Variants in RIN2 observed in about 807,000 individuals in gnomAD.
RIN2 encodes Ras and Rab interactor 2.
Under a neutral mutation model 78.0 loss-of-function variants are expected in RIN2, and 36 were observed. The ratio of observed to expected loss-of-function variants is 0.46; its 90% CI spans 0.35 to 0.61. RIN2 has a LOEUF of 0.61. Among genes scored for constraint, RIN2 ranks in the 20% least tolerant of loss-of-function variants. The pLI, the probability that RIN2 is intolerant of heterozygous loss-of-function variation, is 0.00. For synonymous variants in RIN2, 466 were observed against 466.8 expected (o/e 1.00, Z 0.02); for missense variants, 1,087 against 1,159.7 (o/e 0.94, Z 0.91).
chr20:19,963,216 C>T (rs971546251), intron 6 of RIN2, among the ~76,000 whole-genome samples: 5 of 152,066 alleles, frequency 3.3e-5, no homozygotes, highest in Non-Finnish European at 5.9e-5. Flanking sequence ...TTGTGGCACA[C>T]GTGTGTTTGT....
intron 3 of RIN2, among the ~76,000 whole-genome samples, chr20:19,920,295 CAAA>C (rs34086663): frequency 8.4e-5 from 8 of 95,332 alleles, no homozygotes; most frequent in African/African-American, 3.4e-5. Flanking sequence ...GACTCTGTCT[CAAA>C]AAAAAAAAAA....
At chr20:19,936,440 G>A (rs2040648315) in intron 4 of RIN2, among the ~76,000 whole-genome samples, 1 of 152,158 alleles carries the variant, frequency 6.6e-6, no homozygotes, top group African/African-American at 2.4e-5. Flanking sequence ...GCCTTGTTGA[G>A]CTAAAATTTA....
At chr20:19,945,047 T>C (rs1426152569) in intron 4 of RIN2, among the ~76,000 whole-genome samples, 2 of 152,160 alleles carry the variant, frequency 1.3e-5, no homozygotes, top group Non-Finnish European at 2.9e-5. Context: ...GAATCAGAAG[T>C]TCTTTTCAGG....
At chr20:19,860,034 G>A (rs1238036835) in intron 2 of RIN2, among the ~76,000 whole-genome samples, 1 of 152,202 alleles carries the variant, frequency 6.6e-6, no homozygotes, top group Non-Finnish European at 1.5e-5. Context: ...GCTGTAGAGA[G>A]CACAAGCTTC....
chr20:19,834,776 G>T (rs1488521866), intron 2 of RIN2, among the ~76,000 whole-genome samples: 1 of 152,112 alleles, frequency 6.6e-6, no homozygotes, highest in African/African-American at 2.4e-5. Flanking sequence ...AATAAATAAT[G>T]TTCATCATTC....
intron 2 of RIN2, among the ~76,000 whole-genome samples, chr20:19,811,293 C>T (rs7266625): frequency 0.11 from 17,192 of 151,964 alleles, 2,231 homozygotes; most frequent in African/African-American, 0.31. Context: ...AGGAGCTCTG[C>T]GAGGTGCTGG....
intron 4 of RIN2, among the ~76,000 whole-genome samples, chr20:19,951,131 C>T (rs1328247859): frequency 2.6e-5 from 4 of 151,968 alleles, no homozygotes; most frequent in East Asian, 3.9e-4. Flanking sequence ...TGAGGTCAAG[C>T]GATCCATACA....
rs531160242 is a variant in RIN2, at chr20:19,826,330, T to C, written c.-37+26583T>C. Among the ~76,000 whole-genome samples the C allele has an allele frequency of 4.7e-4, 71 of 152,316 alleles. 1 individual carries two copies. The highest frequency in any genetic ancestry group is 1.7e-3 in the African/African-American group (69 of 41,572). ...CACACATTGTGCTAAGAAGTGCTTT[T>C]TCATGAACTATTTCATTCAATACCC... On this transcript the variant is annotated intron_variant, in intron 2 of 12. Transcript: ENST00000255006.
intron 3 of RIN2, among the ~76,000 whole-genome samples, chr20:19,934,089 CAAG>C (rs1044164889): frequency 7.2e-5 from 11 of 152,248 alleles, no homozygotes; most frequent in Admixed American, 4.6e-4. Context: ...GGATTACAGG[CAAG>C]AGCCGCTATG....
chr20:19,876,277 C>A (rs1174547173), intron 2 of RIN2, among the ~76,000 whole-genome samples: 1 of 152,196 alleles, frequency 6.6e-6, no homozygotes, highest in Non-Finnish European at 1.5e-5. Flanking sequence ...ACTGAAAGAT[C>A]TGACTTCTAT....
At chr20:19,899,400 T>C (rs976948581) in intron 3 of RIN2, among the ~76,000 whole-genome samples, 1 of 152,242 alleles carries the variant, frequency 6.6e-6, no homozygotes, top group Non-Finnish European at 1.5e-5. Context: ...AATGTCTTTA[T>C]GGTGGCATGT....
chr20:19,838,025 C>G (rs1363531419), intron 2 of RIN2, among the ~76,000 whole-genome samples: 1 of 152,168 alleles, frequency 6.6e-6, no homozygotes, highest in Non-Finnish European at 1.5e-5. Flanking sequence ...AAAACAGTCA[C>G]TTCACAAAAA....
chr20:19,866,771 G>T (rs969088646), intron 2 of RIN2, among the ~76,000 whole-genome samples: 2 of 151,876 alleles, frequency 1.3e-5, no homozygotes, highest in African/African-American at 4.8e-5. Context: ...ATTACAGGCA[G>T]GCACCACCAC....
chr20:19,960,816 G>A lies in RIN2; in HGVS notation c.463+5G>A. 1 of 1,556,588 alleles carries A rather than the reference G, an allele frequency of 6.4e-7. No homozygotes were observed. The highest frequency in any genetic ancestry group is 8.8e-7 in the Non-Finnish European group (1 of 1,139,966). ...CCATAAAGGAAAGCACATACAGTAA[G>A]TGGTCATTGGATGCTCAGGTCCTGA... On this transcript the variant is annotated splice_donor_5th_base_variant and intron_variant, in intron 6 of 12. Coordinates refer to ENST00000255006, the MANE Select transcript of RIN2 (RefSeq NM_018993.4).
intron 1 of RIN2, among the ~76,000 whole-genome samples, chr20:19,777,418 C>G (rs1305450630): frequency 6.6e-6 from 1 of 152,240 alleles, no homozygotes. Context: ...AACTTCAGCT[C>G]TGCATTCTTC....
Position 19,915,973 on chromosome 20 carries a change from G to A in RIN2, c.58-19126G>A, listed in dbSNP as rs1262600120. Among the ~76,000 whole-genome samples the A allele has an allele frequency of 3.3e-5, 5 of 152,200 alleles. No individual in the cohort carries two copies. The East Asian group carries it at 7.7e-4, about 23-fold the overall frequency. ...AACTGAAATTCTGGCCGAGCGCTGTGGCTCACGCCTGTAATCCCAGCACTT... is the reference window on the plus strand; with the variant it reads ...AACTGAAATTCTGGCCGAGCGCTGTAGCTCACGCCTGTAATCCCAGCACTT... On this transcript the variant is annotated intron_variant, in intron 3 of 12. Transcript: ENST00000255006.
intron 11 of RIN2, among the ~76,000 whole-genome samples, chr20:19,995,270 AAAAAAAAAC>A (rs904344900): frequency 1.3e-5 from 2 of 151,372 alleles, no homozygotes; most frequent in African/African-American, 4.9e-5. Flanking sequence ...TTAAAAAAAA[AAAAAAAAAC>A]AAAACACATT....
chr20:19,777,762 T>C (rs1461953622), intron 1 of RIN2, among the ~76,000 whole-genome samples: 2 of 152,400 alleles, frequency 1.3e-5, no homozygotes, highest in East Asian at 3.9e-4. Context: ...TGTGAAATGC[T>C]GTGAATAAAC....
At chr20:19,831,121 C>A (rs146890046) in intron 2 of RIN2, among the ~76,000 whole-genome samples, 447 of 152,270 alleles carry the variant, frequency 2.9e-3, no homozygotes, top group Admixed American at 7.3e-3. Context: ...CCCCAGCATG[C>A]CACACTCCGG....
Sources: allele counts gnomAD v4.1 joint callset (sites outside exome capture counted in the v4.1 genomes callset), GRCh38; gene constraint gnomAD v4.1.1; transcripts MANE v1.5; gene names NCBI Gene and HGNC (gene_info 2026-07-23, HGNC 2026-07-21).